Variants in MEIG1 observed in about 807,000 individuals in gnomAD.
MEIG1 encodes meiosis expressed gene 1 protein homolog.
MEIG1 carries 12 observed loss-of-function variants against 11.3 expected under a neutral mutation model. The ratio of observed to expected loss-of-function variants is 1.07; its 90% CI spans 0.68 to 1.73. The LOEUF is 1.73. Among genes scored for constraint, MEIG1 ranks in the 40% most tolerant of loss-of-function variants. The probability of loss-of-function intolerance (pLI) is 0.00; values close to 1 mark genes in which losing one functional copy is unlikely to be tolerated. For missense variants in MEIG1, 119 were observed against 104.9 expected, an observed-to-expected ratio of 1.13 and a Z score of -0.59; for synonymous variants, 41 against 33.2, an observed-to-expected ratio of 1.24 and a Z score of -0.81.
chr10:14,972,288 T>A (rs1313424318), intron 2 of MEIG1, among the ~76,000 whole-genome samples: 3 of 152,188 alleles, frequency 2.0e-5, no homozygotes, highest in Non-Finnish European at 4.4e-5. Context: ...GTGCTGGGAT[T>A]ACAGGCATGA....
At chr10:14,972,488 T>C (rs1215076353) in intron 2 of MEIG1, 25 bp from the exon 3 acceptor site, 1 of 1,613,656 alleles carries the variant, frequency 6.2e-7, no homozygotes, top group African/African-American at 1.3e-5. Flanking sequence ...ATTGTAACGT[T>C]TGTACTCTGG....
intron 1 of MEIG1, among the ~76,000 whole-genome samples, chr10:14,981,328 G>C (rs993360229): frequency 5.9e-5 from 9 of 152,078 alleles, no homozygotes; most frequent in Admixed American, 2.6e-4. Flanking sequence ...TAGCAGCAAA[G>C]AGCTGTGTTC....
upstream of MEIG1, among the ~76,000 whole-genome samples, chr10:14,957,914 G>A (rs559435805): frequency 3.8e-4 from 58 of 152,290 alleles, 1 homozygote; most frequent in South Asian, 3.3e-3. Context: ...CCAAAGTGCT[G>A]GGATTACAGG....
chr10:14,975,812 T>C (rs2131278115), downstream of MEIG1, among the ~76,000 whole-genome samples: 1 of 152,154 alleles, frequency 6.6e-6, no homozygotes, highest in African/African-American at 2.4e-5. Flanking sequence ...CCCCCAGTGA[T>C]ATTGGTCCTA....
chr10:14,973,195 CA>C, downstream of MEIG1, among the ~76,000 whole-genome samples: 1 of 152,190 alleles, frequency 6.6e-6, no homozygotes, highest in Non-Finnish European at 1.5e-5. Context: ...GTGTGATCAC[CA>C]TTAAGTATGG....
chr10:14,960,648 G>A (rs1440364481), intron 1 of MEIG1, among the ~76,000 whole-genome samples: 1 of 151,934 alleles, frequency 6.6e-6, no homozygotes, highest in Non-Finnish European at 1.5e-5. Flanking sequence ...TCGATCTCCT[G>A]ACCTCGTGAT....
intron 1 of MEIG1, among the ~76,000 whole-genome samples, chr10:14,978,638 G>C (rs1225386691): frequency 1.3e-5 from 2 of 151,950 alleles, no homozygotes; most frequent in East Asian, 3.9e-4. Context: ...CGCTGCGATA[G>C]TATTCGTAGT....
chr10:14,978,595 G>C (rs1419106802), intron 1 of MEIG1, among the ~76,000 whole-genome samples: 1 of 151,836 alleles, frequency 6.6e-6, no homozygotes, highest in African/African-American at 2.4e-5. Context: ...TATCCTACGG[G>C]GATGTTACTC....
downstream of MEIG1, among the ~76,000 whole-genome samples, chr10:14,976,495 G>A (rs1490309344): frequency 6.6e-6 from 1 of 152,024 alleles, no homozygotes; most frequent in African/African-American, 2.4e-5. Flanking sequence ...CTAGAGGGAT[G>A]TCACCTCTTA....
At chr10:14,966,353 C>T (rs1215761945) in intron 1 of MEIG1, 87 bp from the exon 2 acceptor site, 2 of 901,076 alleles carry the variant, frequency 2.2e-6, no homozygotes, top group South Asian at 3.7e-5. Context: ...TGAGCCACCG[C>T]ACCCGGCCAG....
chr10:14,981,884 C>G (rs1843269140), intron 1 of MEIG1, among the ~76,000 whole-genome samples: 1 of 152,214 alleles, frequency 6.6e-6, no homozygotes, highest in South Asian at 2.1e-4. Context: ...ATTGCTGCAG[C>G]TAACAAACAG....
chr10:14,957,076 G>A (rs1456630758), upstream of MEIG1, among the ~76,000 whole-genome samples: 2 of 152,140 alleles, frequency 1.3e-5, no homozygotes, highest in Non-Finnish European at 2.9e-5. Flanking sequence ...TAAAAAAGCA[G>A]ACAAAAATCC....
At chr10:14,973,675 C>T (rs903385198), downstream of MEIG1, among the ~76,000 whole-genome samples, 12 of 143,236 alleles carry the variant, frequency 8.4e-5, no homozygotes, top group Admixed American at 3.8e-4. Context: ...AAGGCTGAGG[C>T]AGGAGAATGG....
At chr10:14,981,733 C>T (rs546318619) in intron 1 of MEIG1, among the ~76,000 whole-genome samples, 32 of 152,268 alleles carry the variant, frequency 2.1e-4, no homozygotes, top group African/African-American at 7.5e-4. Context: ...ATCTTGTTTT[C>T]TTTTGAGCTG....
intron 1 of MEIG1, among the ~76,000 whole-genome samples, chr10:14,984,889 C>A (rs1395286340): frequency 6.6e-6 from 1 of 151,782 alleles, no homozygotes; most frequent in Admixed American, 6.6e-5. Flanking sequence ...GTACACGCTT[C>A]AATATTCTTC....
chr10:14,977,556 ATTACT>A (rs1290273303), downstream of MEIG1, among the ~76,000 whole-genome samples: 3 of 151,768 alleles, frequency 2.0e-5, no homozygotes, highest in African/African-American at 7.3e-5. Context: ...ATAGAGAGAT[ATTACT>A]TTAAATATCC....
intron 1 of MEIG1, among the ~76,000 whole-genome samples, chr10:14,985,129 G>A (rs1376672646): frequency 2.0e-5 from 3 of 151,890 alleles, no homozygotes; most frequent in African/African-American, 7.3e-5. Context: ...GTCACACGGG[G>A]TGTACACAGA....
intron 1 of MEIG1, among the ~76,000 whole-genome samples, chr10:14,981,491 C>G (rs1843262375): frequency 6.6e-6 from 1 of 152,130 alleles, no homozygotes; most frequent in East Asian, 1.9e-4. Context: ...GCGGAAACCC[C>G]CGTGGCTCCG....
intron 1 of MEIG1, among the ~76,000 whole-genome samples, chr10:14,964,970 A>G (rs1345527886): frequency 1.3e-5 from 2 of 152,000 alleles, no homozygotes; most frequent in Non-Finnish European, 2.9e-5. Context: ...TATTTTTAAT[A>G]GAGACGGGGT....
Sources: allele counts gnomAD v4.1 joint callset (sites outside exome capture counted in the v4.1 genomes callset), GRCh38; gene constraint gnomAD v4.1.1; transcripts MANE v1.5; gene names NCBI Gene and HGNC (gene_info 2026-07-23, HGNC 2026-07-21).